The following HEATR5B variants were observed in gnomAD, a reference collection of about 807,000 sequenced individuals.
The protein encoded by HEATR5B is HEAT repeat containing 5B, also known as HEAT repeat-containing protein 5B.
HEATR5B carries 156 observed loss-of-function variants against 224.1 expected under a neutral mutation model. The ratio of observed to expected loss-of-function variants is 0.70; its 90% CI spans 0.61 to 0.80. The LOEUF (loss-of-function observed/expected upper bound fraction) is 0.80. Ranked by LOEUF, HEATR5B falls within the 30% of genes least tolerant of loss-of-function variation. The pLI is 0.00. For synonymous variants in HEATR5B, 1,027 were observed against 893.0 expected (o/e 1.15, Z -2.68); for missense variants, 2,323 against 2,535.5 (o/e 0.92, Z 1.80).
In HEATR5B at chr2:37,027,916, A is replaced by G; in HGVS notation, c.3853+7T>C. 1 of 1,609,372 alleles carries G rather than the reference A, an allele frequency of 6.2e-7. No homozygotes were observed. Among genetic ancestry groups the G allele is most frequent in the Non-Finnish European group, 8.5e-7 (1 of 1,177,014 alleles). On this transcript the variant is annotated splice_region_variant and intron_variant, in intron 24 of 35. Transcript: ENST00000233099. Reference sequence around the variant, plus strand: ...CTTTGGGGAAAAAGTACTGATTTTAAATTTACTTGTAGGGTTTCGAAGTTT... The same window carrying G: ...CTTTGGGGAAAAAGTACTGATTTTAGATTTACTTGTAGGGTTTCGAAGTTT...
chr2:37,020,028 G>A (rs1009856210), intron 25 of HEATR5B, 151 bp from the exon 26 acceptor site: 29 of 563,004 alleles, frequency 5.2e-5, no homozygotes, highest in South Asian at 2.8e-4. Context: ...CTCAGCCTCC[G>A]AAGTAGCTGG....
intron 19 of HEATR5B, chr2:37,040,900 C>T (rs1051222564): frequency 8.5e-6 from 4 of 469,164 alleles, no homozygotes; most frequent in East Asian, 6.7e-5. Context: ...CAGAATAATA[C>T]ACAATAAAAA....
rs775223852 is a variant in HEATR5B at position 37,014,032 on chromosome 2, G to A, written c.4105-12C>T. On this transcript the variant is annotated splice_polypyrimidine_tract_variant and intron_variant, in intron 26 of 35. Transcript: ENST00000233099. ...CATGTACTACATACCTAGACAAAGAGAATTCAAAAACTTTTGTGTAAAAAA... is the reference window on the plus strand; with the variant it reads ...CATGTACTACATACCTAGACAAAGAAAATTCAAAAACTTTTGTGTAAAAAA... 24 of 1,474,434 alleles carry A rather than the reference G, an allele frequency of 1.6e-5. No individual in the cohort carries two copies. The highest frequency in any genetic ancestry group is 2.2e-5 in the Non-Finnish European group (24 of 1,099,664). 91.3% of individuals were successfully genotyped at this position (1,474,434 alleles called of 1,614,324 possible).
At position 37,070,398 on chromosome 2, in the gene HEATR5B, G is replaced by A. The variant is rs199830302; in HGVS notation, c.770-11C>T. 6 of 1,607,928 alleles carry A rather than the reference G, an allele frequency of 3.7e-6. No homozygotes were observed. Among genetic ancestry groups the A allele is most frequent in the Non-Finnish European group, 5.1e-6 (6 of 1,176,004 alleles). On this transcript the variant is annotated splice_polypyrimidine_tract_variant and intron_variant, in intron 6 of 35. Transcript: ENST00000233099. ...CATTCTGACGCATTACTTTCAAGAA[G>A]AAAAATTAAAGTATAAGCAAATATA... is the stretch of plus-strand genomic sequence containing the variant.
At chr2:36,989,613 AC>A (rs1403571643) in intron 34 of HEATR5B, among the ~76,000 whole-genome samples, 1 of 152,184 alleles carries the variant, frequency 6.6e-6, no homozygotes, top group African/African-American at 2.4e-5. Flanking sequence ...AGGTTTCCAG[AC>A]CTAGAAAATA....
At position 37,028,108 on chromosome 2, in the gene HEATR5B, T is replaced by G. The variant is rs764517427; in HGVS notation, c.3668A>C (p.Asp1223Ala). 21 of 1,612,246 alleles carry G rather than the reference T, an allele frequency of 1.3e-5. No homozygotes were observed. Among genetic ancestry groups the G allele is most frequent in the Non-Finnish European group, 1.7e-5 (20 of 1,178,360 alleles). ...TAACGTGGTAAACATGGTATCATCA[T>G]CCATCTCATCTTTCTTTTCAGCTTC... ...DEEAEKKDEM[D>A]DDTMFTTLGE... The change falls in exon 24 of 36, where the codon GAT becomes GCT. Residue 1223 changes from aspartate (D) to alanine (A), a missense_variant. Transcript: ENST00000233099.
chr2:37,049,923 C>T (rs937267144), intron 17 of HEATR5B, 80 bp from the exon 18 acceptor site: 3 of 1,330,896 alleles, frequency 2.3e-6, no homozygotes, highest in African/African-American at 1.5e-5. Flanking sequence ...CAAGGTCTTG[C>T]TCCCTTGCCC....
At position 36,988,734 on chromosome 2, in the gene HEATR5B, G is replaced by C. The variant is rs1026043894; in HGVS notation, c.5823C>G (p.Asn1941Lys). The change falls in exon 35 of 36, where the codon AAC (asparagine) becomes AAG (lysine). Residue 1941 changes from asparagine to lysine, a missense_variant. Coordinates refer to ENST00000233099, the MANE Select transcript of HEATR5B (RefSeq NM_019024.3). ...VVEKLKAVER[N>K]RPASNIELLA... ...AAAGCTCTATGTTACTGGCTGGTCT[G>C]TTTCTTTCAACAGCTTTTAGCTTTT... 1.2e-6 allele frequency: 2 copies of C among 1,614,046 alleles called. No individual in the cohort carries two copies. The highest frequency in any genetic ancestry group is 1.7e-6 in the Non-Finnish European group (2 of 1,179,986).
rs1402325996 is a variant in HEATR5B, at chr2:37,060,601, C to T, written c.1829G>A (p.Gly610Asp). The change falls in exon 12 of 36, where the codon GGT (glycine) becomes GAT (aspartate). Residue 610 changes from glycine to aspartate, a missense_variant. By Grantham distance (94) the Gly-to-Asp change is moderately conservative (BLOSUM62 -1). Transcript: ENST00000233099. ...CTTACCACATAGAGCTCCAGCACGA[C>T]CTTCCAAAGTTACCTGCCAGGTAAA... ...DSFTWQVTLE[G>D]RAGALCAMRS... The T allele has an allele frequency of 6.2e-7, 1 of 1,613,756 alleles. No individual in the cohort carries two copies. Among genetic ancestry groups the T allele is most frequent in the East Asian group, 2.2e-5 (1 of 44,868 alleles).
chr2:37,076,880 A>T lies in HEATR5B; in HGVS notation c.447+31T>A, dbSNP rs773393868. 2.7e-6 allele frequency: 4 copies of T among 1,494,894 alleles called. No homozygotes were observed. In the African/African-American group the frequency reaches 4.1e-5, roughly 15 times the overall value. The allele number at this position is 1,494,894 out of a possible 1,614,324, so 92.6% of individuals were successfully genotyped here. On this transcript the variant is annotated intron_variant, in intron 4 of 35. Coordinates refer to ENST00000233099, the MANE Select transcript of HEATR5B (RefSeq NM_019024.3). Reference sequence around the variant, plus strand: ...GACATCTAACTCTTGCCACAAGCAAATATTCAAATAATATTGGTTGTAAAA... The same window carrying T: ...GACATCTAACTCTTGCCACAAGCAATTATTCAAATAATATTGGTTGTAAAA...
At chr2:37,038,296 C>T (rs755440664) in intron 20 of HEATR5B, among the ~76,000 whole-genome samples, 4 of 151,992 alleles carry the variant, frequency 2.6e-5, no homozygotes, top group Admixed American at 6.5e-5. Flanking sequence ...CGCGCCACCA[C>T]GCCCAGCTGA....
At chr2:36,985,245 T>C (rs999073741) in intron 35 of HEATR5B, among the ~76,000 whole-genome samples, 4 of 152,214 alleles carry the variant, frequency 2.6e-5, no homozygotes, top group Admixed American at 2.0e-4. Flanking sequence ...TTTGATGGTA[T>C]CCTCCTAATG....
chr2:37,025,092 A>G (rs1008838), intron 24 of HEATR5B, among the ~76,000 whole-genome samples: 31,286 of 152,102 alleles, frequency 0.21, 3,489 homozygotes, highest in African/African-American at 0.26. Flanking sequence ...CCTGAATAGC[A>G]CATTTATTGG....
At chr2:36,987,702 T>C (rs965298255) in intron 35 of HEATR5B, among the ~76,000 whole-genome samples, 3 of 152,204 alleles carry the variant, frequency 2.0e-5, no homozygotes, top group Non-Finnish European at 4.4e-5. Flanking sequence ...TTATGTTTGG[T>C]ATTAATACTT....
chr2:37,039,529 CA>C (rs1669746447), intron 20 of HEATR5B, among the ~76,000 whole-genome samples: 1 of 152,130 alleles, frequency 6.6e-6, no homozygotes, highest in Non-Finnish European at 1.5e-5. Flanking sequence ...CACTAGTTTC[CA>C]AAACCTTGTA....
intron 26 of HEATR5B, among the ~76,000 whole-genome samples, chr2:37,018,371 T>C (rs904712461): frequency 1.3e-5 from 2 of 152,230 alleles, no homozygotes; most frequent in Admixed American, 6.5e-5. Flanking sequence ...TATTTACATA[T>C]GGACAGTAAT....
At chr2:36,982,997 T>C (rs1038873377) in intron 35 of HEATR5B, among the ~76,000 whole-genome samples, 10 of 152,070 alleles carry the variant, frequency 6.6e-5, no homozygotes, top group African/African-American at 2.2e-4. Context: ...GCCTGTTTTA[T>C]TTCACGAGAA....
intron 35 of HEATR5B, among the ~76,000 whole-genome samples, chr2:36,983,798 T>C (rs532685357): frequency 1.1e-4 from 17 of 152,112 alleles, no homozygotes; most frequent in Non-Finnish European, 2.2e-4. Flanking sequence ...TTATAAAATA[T>C]ATATAAAATT....
At chr2:37,028,516 C>T (rs1281974936) in intron 23 of HEATR5B, among the ~76,000 whole-genome samples, 165 bp downstream of exon 23, 1 of 152,006 alleles carries the variant, frequency 6.6e-6, no homozygotes, top group Non-Finnish European at 1.5e-5. Context: ...TTGTTTATAA[C>T]ATAATTTAAC....
Sources: allele counts gnomAD v4.1 joint callset (sites outside exome capture counted in the v4.1 genomes callset), GRCh38; gene constraint gnomAD v4.1.1; transcripts MANE v1.5; gene names NCBI Gene and HGNC (gene_info 2026-07-23, HGNC 2026-07-21).